SNX18: variants seen among roughly 807,000 people sequenced by gnomAD.
The protein encoded by SNX18 is sorting nexin-18.
In SNX18, 35 loss-of-function variants were observed where a neutral mutation model predicts 48.7. The ratio of observed to expected loss-of-function variants is 0.72; its 90% CI spans 0.55 to 0.95. SNX18 has a LOEUF of 0.95. SNX18 is among the 40% of genes least tolerant of loss of function. The pLI, the probability that SNX18 is intolerant of heterozygous loss-of-function variation, is 0.00. For missense variants in SNX18, 824 were observed against 871.0 expected (o/e 0.95, Z 0.68); for synonymous variants, 492 against 384.7 (o/e 1.28, Z -3.26).
At chr5:54,607,951 A>G in the SNX18 span, among the ~76,000 whole-genome samples, 1 of 152,040 alleles carries the variant, frequency 6.6e-6, no homozygotes, top group Non-Finnish European at 1.5e-5. Flanking sequence ...AAACAAACAA[A>G]CAAACAAAAA....
the SNX18 span, among the ~76,000 whole-genome samples, chr5:54,618,595 A>T: frequency 5.3e-5 from 8 of 152,328 alleles, no homozygotes; most frequent in Admixed American, 2.6e-4. Flanking sequence ...ATAACATGCG[A>T]TGTTAGAGTA....
chr5:54,611,699 C>T, the SNX18 span, among the ~76,000 whole-genome samples: 1 of 151,912 alleles, frequency 6.6e-6, no homozygotes, highest in Non-Finnish European at 1.5e-5. Flanking sequence ...TTCCTGAAAG[C>T]ATAAACGCCA....
chr5:54,581,414 A>G, the SNX18 span, among the ~76,000 whole-genome samples: 76,949 of 151,598 alleles, frequency 0.51, 20,275 homozygotes, highest in Non-Finnish European at 0.59. Context: ...AGATTCCAGA[A>G]CTACACAAGC....
At chr5:54,629,247 TTA>T in the SNX18 span, among the ~76,000 whole-genome samples, 1 of 152,192 alleles carries the variant, frequency 6.6e-6, no homozygotes, top group African/African-American at 2.4e-5. Context: ...ATCACAGCTA[TTA>T]GTGGACTGAG....
chr5:54,517,941 G>A lies in SNX18; in HGVS notation c.-12G>A. ...GCCGGGAGTCGGGACCGCCAGTCGG[G>A]GCGCCGGGACCATGGCGCTGCGCGC... On this transcript the variant is annotated 5_prime_UTR_variant, in exon 1 of 2. Coordinates refer to ENST00000381410, the MANE Select transcript of SNX18 (RefSeq NM_001102575.2). 6.7e-7 allele frequency: 1 copy of A among 1,500,094 alleles called. No homozygotes were observed. Among genetic ancestry groups the A allele is most frequent in the Admixed American group, 2.2e-5 (1 of 44,862 alleles). The allele number at this position is 1,500,094 out of a possible 1,614,324, so 92.9% of individuals were successfully genotyped here. A position where few individuals can be genotyped will look rare whatever the true frequency, so the allele number is the denominator to read the frequency against.
chr5:54,548,567 C>T (rs1018136267), downstream of SNX18, among the ~76,000 whole-genome samples: 4 of 152,202 alleles, frequency 2.6e-5, no homozygotes, highest in African/African-American at 9.7e-5. Flanking sequence ...CCAGCTCTGA[C>T]CCTCAGTTTC....
the SNX18 span, among the ~76,000 whole-genome samples, chr5:54,632,924 G>A: frequency 4.6e-5 from 7 of 151,902 alleles, no homozygotes; most frequent in South Asian, 2.1e-4. Flanking sequence ...ACAGGCAACC[G>A]CCACCATGCC....
chr5:54,586,347 G>A, the SNX18 span, among the ~76,000 whole-genome samples: 17 of 152,290 alleles, frequency 1.1e-4, no homozygotes, highest in Non-Finnish European at 2.1e-4. Context: ...TGATGATGCC[G>A]TGGGGAAATG....
the SNX18 span, among the ~76,000 whole-genome samples, chr5:54,643,002 A>G: frequency 1.3e-5 from 2 of 152,136 alleles, no homozygotes; most frequent in Non-Finnish European, 2.9e-5. Context: ...GGTCCTGTTT[A>G]TGATTTGGTA....
the SNX18 span, among the ~76,000 whole-genome samples, chr5:54,630,794 T>C: frequency 1.4e-5 from 2 of 138,232 alleles, no homozygotes; most frequent in African/African-American, 2.8e-5. Flanking sequence ...AGATCGCCAC[T>C]GCACTGCAGC....
At chr5:54,645,899 T>C in the SNX18 span, 20 of 152,396 alleles carry the variant, frequency 1.3e-4, no homozygotes, top group South Asian at 1.0e-3. Flanking sequence ...ATCCTTTTTA[T>C]TGGTGTTTAG....
At chr5:54,564,298 A>G in the SNX18 span, among the ~76,000 whole-genome samples, 1 of 152,176 alleles carries the variant, frequency 6.6e-6, no homozygotes, top group African/African-American at 2.4e-5. Context: ...AAATAACAAA[A>G]TAAAATAATA....
At chr5:54,623,469 T>C in the SNX18 span, among the ~76,000 whole-genome samples, 1 of 152,032 alleles carries the variant, frequency 6.6e-6, no homozygotes, top group African/African-American at 2.4e-5. Context: ...GAGGGCTGCA[T>C]GGCTCTGAAA....
intron 1 of SNX18, among the ~76,000 whole-genome samples, chr5:54,522,152 C>T (rs969300335): frequency 6.6e-6 from 1 of 152,184 alleles, no homozygotes; most frequent in South Asian, 2.1e-4. Flanking sequence ...AGGCTAAAAG[C>T]ATTTGCCTAT....
At chr5:54,598,186 T>G in the SNX18 span, among the ~76,000 whole-genome samples, 3 of 152,110 alleles carry the variant, frequency 2.0e-5, no homozygotes, top group Admixed American at 2.0e-4. Context: ...TGGGAAGAAG[T>G]TGAATCCCTG....
the SNX18 span, among the ~76,000 whole-genome samples, chr5:54,576,771 GTGTTTGTT>G: frequency 7.0e-5 from 9 of 128,374 alleles, no homozygotes; most frequent in Non-Finnish European, 8.7e-5. Flanking sequence ...GCAAGTAGCT[GTGTTTGTT>G]TGTTTGTTTG....
At chr5:54,550,325 A>C (rs952575977), downstream of SNX18, among the ~76,000 whole-genome samples, 1 of 152,168 alleles carries the variant, frequency 6.6e-6, no homozygotes, top group Non-Finnish European at 1.5e-5. Flanking sequence ...AGTGGCTCCT[A>C]TCCCAGAATC....
intron 1 of SNX18, among the ~76,000 whole-genome samples, chr5:54,526,331 C>T (rs1423146609): frequency 6.6e-6 from 1 of 152,032 alleles, no homozygotes; most frequent in Non-Finnish European, 1.5e-5. Flanking sequence ...TGGTCTTGAA[C>T]TCCTGACCTC....
chr5:54,626,332 T>G, the SNX18 span, among the ~76,000 whole-genome samples: 1 of 152,170 alleles, frequency 6.6e-6, no homozygotes, highest in East Asian at 1.9e-4. Flanking sequence ...TCTTCTTCTT[T>G]TTTTTTGAAA....
Sources: gnomAD v4.1 joint callset for allele counts (sites outside exome capture counted in the v4.1 genomes callset) on GRCh38, gnomAD v4.1.1 for gene constraint, MANE v1.5 for transcripts, NCBI Gene and HGNC (gene_info 2026-07-23, HGNC 2026-07-21) for gene names.